EPB41L2: variants seen among roughly 807,000 people sequenced by gnomAD.
The protein encoded by EPB41L2 is erythrocyte membrane protein band 4.1 like 2.
A neutral mutation model predicts 113.0 loss-of-function variants in EPB41L2; 43 were observed. The observed-to-expected ratio is 0.38, with a 90% confidence interval of 0.30 to 0.49. The LOEUF is 0.49. EPB41L2 is among the 20% of genes least tolerant of loss of function. The pLI is 0.95. For missense variants in EPB41L2, 1,147 were observed against 1,223.4 expected (o/e 0.94, Z 0.93); for synonymous variants, 442 against 436.7 (o/e 1.01, Z -0.15).
intron 1 of EPB41L2, among the ~76,000 whole-genome samples, chr6:131,012,591 T>C (rs144783491): frequency 6.6e-6 from 1 of 151,182 alleles, no homozygotes; most frequent in African/African-American, 2.4e-5. Flanking sequence ...AAAAAGATTA[T>C]GCCATATTGG....
intron 1 of EPB41L2, among the ~76,000 whole-genome samples, chr6:130,959,832 C>T (rs1469349056): frequency 2.6e-5 from 4 of 152,192 alleles, no homozygotes; most frequent in Admixed American, 2.6e-4. Context: ...ATGCCCCATA[C>T]TTGTCTAAGC....
At chr6:131,019,985 T>A (rs867736685) in intron 1 of EPB41L2, among the ~76,000 whole-genome samples, 31 of 152,156 alleles carry the variant, frequency 2.0e-4, no homozygotes, top group African/African-American at 7.2e-4. Context: ...TATTTTTTAG[T>A]CTAATAACCA....
intron 1 of EPB41L2, among the ~76,000 whole-genome samples, chr6:131,020,502 CCTCT>C (rs1789209916): frequency 6.6e-6 from 1 of 152,134 alleles, no homozygotes; most frequent in African/African-American, 2.4e-5. Flanking sequence ...AAAGTGATTC[CCTCT>C]ATCTACTGCT....
At chr6:131,051,340 A>T (rs1257229417) in intron 1 of EPB41L2, among the ~76,000 whole-genome samples, 1 of 151,998 alleles carries the variant, frequency 6.6e-6, no homozygotes, top group Non-Finnish European at 1.5e-5. Context: ...AATCAATTTA[A>T]ATTCCAAAAT....
intron 13 of EPB41L2, among the ~76,000 whole-genome samples, chr6:130,879,149 T>G (rs927606425): frequency 1.3e-5 from 2 of 152,234 alleles, no homozygotes; most frequent in Non-Finnish European, 2.9e-5. Context: ...GGATTATAGC[T>G]TTCATCCCAC....
chr6:130,949,744 C>A (rs768543574), intron 3 of EPB41L2, among the ~76,000 whole-genome samples: 1 of 152,052 alleles, frequency 6.6e-6, no homozygotes, highest in Non-Finnish European at 1.5e-5. Flanking sequence ...TCCACTTACA[C>A]CTAGATTTTC....
At chr6:130,994,841 G>T (rs58685490) in intron 1 of EPB41L2, among the ~76,000 whole-genome samples, 3 of 152,076 alleles carry the variant, frequency 2.0e-5, no homozygotes, top group African/African-American at 7.2e-5. Context: ...AGATAAAAGC[G>T]TATCCGATTG....
chr6:130,865,078 G>T (rs947304162), intron 17 of EPB41L2, among the ~76,000 whole-genome samples: 1 of 152,176 alleles, frequency 6.6e-6, no homozygotes, highest in African/African-American at 2.4e-5. Flanking sequence ...AACATTTAGA[G>T]AATTATGCAG....
intron 1 of EPB41L2, among the ~76,000 whole-genome samples, chr6:130,982,847 G>T (rs556758095): frequency 2.0e-5 from 3 of 152,328 alleles, no homozygotes; most frequent in African/African-American, 4.8e-5. Flanking sequence ...GAGGCTCGGA[G>T]AAATTAAATA....
chr6:131,033,730 T>C (rs938617308), intron 1 of EPB41L2, among the ~76,000 whole-genome samples: 1 of 152,184 alleles, frequency 6.6e-6, no homozygotes. Context: ...GTACTGAGAA[T>C]AGGCAAATTC....
chr6:130,885,560 G>C (rs1790679055), intron 11 of EPB41L2, among the ~76,000 whole-genome samples: 1 of 152,174 alleles, frequency 6.6e-6, no homozygotes, highest in Non-Finnish European at 1.5e-5. Flanking sequence ...GGAGCTCTAA[G>C]ACCAGCTGAA....
chr6:130,916,458 A>C (rs966268047), intron 4 of EPB41L2, among the ~76,000 whole-genome samples: 1 of 152,208 alleles, frequency 6.6e-6, no homozygotes, highest in Non-Finnish European at 1.5e-5. Flanking sequence ...ATGAATCCTA[A>C]TACTGTATTT....
chr6:131,038,813 G>A (rs776776402), intron 1 of EPB41L2, among the ~76,000 whole-genome samples: 9 of 152,116 alleles, frequency 5.9e-5, no homozygotes, highest in Non-Finnish European at 1.0e-4. Flanking sequence ...CTGGCAATTC[G>A]TATTTAATGC....
chr6:130,848,199 T>TCACACACACACACACACA (rs66469665), intron 19 of EPB41L2, among the ~76,000 whole-genome samples: 1 of 113,408 alleles, frequency 8.8e-6, no homozygotes, highest in African/African-American at 4.0e-5. Flanking sequence ...TCTCTCTCTC[T>TCACACACACACACACACA]CACACACACA....
intron 1 of EPB41L2, among the ~76,000 whole-genome samples, chr6:131,017,600 G>C (rs1240236496): frequency 6.6e-6 from 1 of 152,066 alleles, no homozygotes; most frequent in Non-Finnish European, 1.5e-5. Flanking sequence ...CTAATTGAAG[G>C]ATAGGTTGGT....
chr6:130,891,530 C>G (rs1477725305), intron 10 of EPB41L2, among the ~76,000 whole-genome samples: 4 of 152,112 alleles, frequency 2.6e-5, no homozygotes, highest in Non-Finnish European at 5.9e-5. Context: ...CTCACTGCAA[C>G]CTCCGCCTCC....
chr6:131,031,168 C>A (rs1307299163), intron 1 of EPB41L2, among the ~76,000 whole-genome samples: 1 of 151,904 alleles, frequency 6.6e-6, no homozygotes, highest in African/African-American at 2.4e-5. Flanking sequence ...CACTACCCAC[C>A]CCAGAAAAGA....
chr6:130,970,124 C>G (rs1351330516), intron 1 of EPB41L2, among the ~76,000 whole-genome samples: 2 of 152,162 alleles, frequency 1.3e-5, no homozygotes, highest in Non-Finnish European at 2.9e-5. Context: ...CAGATTCCAT[C>G]TACTCTGTAC....
chr6:131,053,799 A>G (rs1797096170), intron 1 of EPB41L2, among the ~76,000 whole-genome samples: 1 of 152,248 alleles, frequency 6.6e-6, no homozygotes, highest in African/African-American at 2.4e-5. Context: ...TGAGTTGATC[A>G]TAACCCTCAT....
Sources: gnomAD v4.1 joint callset for allele counts (sites outside exome capture counted in the v4.1 genomes callset) on GRCh38, gnomAD v4.1.1 for gene constraint, MANE v1.5 for transcripts, NCBI Gene and HGNC (gene_info 2026-07-23, HGNC 2026-07-21) for gene names.